The following KCNK5 variants were observed in gnomAD, a reference collection of about 807,000 sequenced individuals.
The protein encoded by KCNK5 is potassium channel subfamily K member 5.
KCNK5 carries 18 observed loss-of-function variants against 32.9 expected under a neutral mutation model. The observed-to-expected ratio is 0.55, with a 90% CI of 0.38 to 0.81. KCNK5 has a LOEUF of 0.81. Ranked by LOEUF, KCNK5 falls within the 30% of genes least tolerant of loss-of-function variation. The pLI is 0.00. For missense variants in KCNK5, 507 were observed against 651.0 expected, an observed-to-expected ratio of 0.78 and a Z score of 2.41; for synonymous variants, 276 against 275.3, an observed-to-expected ratio of 1.00 and a Z score of -0.03.
Position 39,194,782 on chromosome 6 carries a change from C to A in KCNK5, c.299-22G>T, listed in dbSNP as rs376883155. The A allele has an allele frequency of 1.1e-5, 18 of 1,612,280 alleles. No homozygotes were observed. Among genetic ancestry groups the A allele is most frequent in the Non-Finnish European group, 1.5e-5 (18 of 1,178,972 alleles). On this transcript the variant is annotated intron_variant, in intron 2 of 4. Coordinates refer to ENST00000359534, the MANE Select transcript of KCNK5 (RefSeq NM_003740.4). This position sits in a 1 kb window ranked among gnomAD's most constrained non-coding sequence, Gnocchi z 4.7. ...TATCCTGAGGAAGGAGAGAGTGAGG[C>A]CAAGAACAGGAGGGGTGGTCAAACC...
chr6:39,202,742 C>T (rs1490794888), intron 1 of KCNK5, among the ~76,000 whole-genome samples: 1 of 152,110 alleles, frequency 6.6e-6, no homozygotes, highest in East Asian at 1.9e-4. Flanking sequence ...TCAATCAATC[C>T]CATTGGCAGC....
At chr6:39,206,018 C>T (rs987173730) in intron 1 of KCNK5, among the ~76,000 whole-genome samples, 4 of 152,336 alleles carry the variant, frequency 2.6e-5, no homozygotes, top group South Asian at 2.1e-4. Flanking sequence ...TAATCTGAGA[C>T]CTAAGACCCT....
intron 1 of KCNK5, among the ~76,000 whole-genome samples, chr6:39,202,613 A>G (rs1771149153): frequency 6.6e-6 from 1 of 152,196 alleles, no homozygotes; most frequent in African/African-American, 2.4e-5. Flanking sequence ...AAACTCCACG[A>G]GGGCAGTAAA....
intron 1 of KCNK5, among the ~76,000 whole-genome samples, chr6:39,217,967 C>T (rs888438976): frequency 2.0e-5 from 3 of 151,814 alleles, no homozygotes; most frequent in Admixed American, 6.6e-5. Flanking sequence ...ATCACAGGAA[C>T]GGGTGTGTTG....
intron 1 of KCNK5, among the ~76,000 whole-genome samples, chr6:39,209,391 C>A (rs556141500): frequency 6.6e-6 from 1 of 152,192 alleles, no homozygotes; most frequent in African/African-American, 2.4e-5. Flanking sequence ...GTATGCATTG[C>A]CCCCGCCCAC....
At position 39,194,130 on chromosome 6, in the gene KCNK5, A is replaced by C; in HGVS notation, c.634+39T>G. ...TAGGTCTGTTGCACTGAAACCAAAG[A>C]AGCAGAAAAAGAGGTGGGAGGCAGA... On this transcript the variant is annotated intron_variant, in intron 4 of 4. Coordinates refer to ENST00000359534, the MANE Select transcript of KCNK5 (RefSeq NM_003740.4). The surrounding 1 kb of genome is among the most constrained non-coding windows in gnomAD (Gnocchi z 4.7). The C allele has an allele frequency of 6.2e-7, 1 of 1,612,580 alleles. No homozygotes were observed. Among genetic ancestry groups the C allele is most frequent in the Non-Finnish European group, 8.5e-7 (1 of 1,178,688 alleles).
At chr6:39,218,069 C>T (rs1279114461) in intron 1 of KCNK5, among the ~76,000 whole-genome samples, 5 of 140,304 alleles carry the variant, frequency 3.6e-5, no homozygotes, top group East Asian at 2.0e-4. Flanking sequence ...GACTTACAGG[C>T]CTTTTTTTTT....
At chr6:39,206,571 C>T (rs763448402) in intron 1 of KCNK5, among the ~76,000 whole-genome samples, 47 of 152,176 alleles carry the variant, frequency 3.1e-4, no homozygotes, top group Admixed American at 5.9e-4. Flanking sequence ...AGCTGCCCCT[C>T]GCGTGCTGGC....
At chr6:39,202,266 G>A (rs1041020690) in intron 1 of KCNK5, among the ~76,000 whole-genome samples, 12 of 152,090 alleles carry the variant, frequency 7.9e-5, no homozygotes, top group African/African-American at 2.7e-4. Flanking sequence ...TTCCAGCATC[G>A]TTCTGCAGTT....
chr6:39,190,880 C>A lies in KCNK5; in HGVS notation c.*10G>T. 1 of 1,459,010 alleles carries A rather than the reference C, an allele frequency of 6.9e-7. No individual in the cohort carries two copies. The highest frequency in any genetic ancestry group is 1.5e-5 in the South Asian group (1 of 66,738). The allele number at this position is 1,459,010 out of a possible 1,614,324, so 90.4% of individuals were successfully genotyped here. ...GGCCATCAAAGGTGGGGTGGGGAGC[C>A]GGCCCTGCCTCATGTGCCCTTGGGG... On this transcript the variant is annotated 3_prime_UTR_variant, in exon 5 of 5. Coordinates refer to ENST00000359534, the MANE Select transcript of KCNK5 (RefSeq NM_003740.4).
Position 39,191,007 on chromosome 6 carries a change from C to A in KCNK5, c.1383G>T (p.Met461Ile). ...QGAEAKAPLN[M>I]GEFPSSSEST... is the part of the protein sequence containing the mutation. ...ACTCGGAGGAGGAGGGGAACTCGCC[C>A]ATGTTCAGGGGCGCCTTGGCTTCAG... The change falls in exon 5 of 5, where the codon ATG becomes ATT. Residue 461 changes from methionine to isoleucine, a missense_variant. By Grantham distance (10) the Met-to-Ile change is conservative. Coordinates refer to ENST00000359534, the MANE Select transcript of KCNK5 (RefSeq NM_003740.4). This position sits in a 1 kb window ranked among gnomAD's most constrained non-coding sequence, Gnocchi z 5.8. The A allele has an allele frequency of 6.3e-7, 1 of 1,590,718 alleles. No homozygotes were observed. The highest frequency in any genetic ancestry group is 8.6e-7 in the Non-Finnish European group (1 of 1,169,316).
At chr6:39,201,022 G>T in intron 1 of KCNK5, among the ~76,000 whole-genome samples, 1 of 152,190 alleles carries the variant, frequency 6.6e-6, no homozygotes, top group Non-Finnish European at 1.5e-5. Context: ...CAGCTATCTG[G>T]CACCCATAGA....
Position 39,190,804 on chromosome 6 carries a change from G to T in KCNK5, c.*86C>A. On this transcript the variant is annotated 3_prime_UTR_variant, in exon 5 of 5. Coordinates refer to ENST00000359534, the MANE Select transcript of KCNK5 (RefSeq NM_003740.4). ...CAGTTCCGAGGCTGCCCCCCCACCAGGGGCCAGGCGTCCCGGTCATCTCGG... is the reference window on the plus strand; with the variant it reads ...CAGTTCCGAGGCTGCCCCCCCACCATGGGCCAGGCGTCCCGGTCATCTCGG... 1 of 1,333,122 alleles carries T rather than the reference G, an allele frequency of 7.5e-7. No homozygotes were observed. 82.6% of individuals were successfully genotyped at this position (1,333,122 alleles called of 1,614,324 possible). A position where few individuals can be genotyped will look rare whatever the true frequency, so the allele number is the denominator to read the frequency against.
chr6:39,210,585 A>G (rs1245560800), intron 1 of KCNK5, among the ~76,000 whole-genome samples: 2 of 152,352 alleles, frequency 1.3e-5, no homozygotes, highest in South Asian at 2.1e-4. Flanking sequence ...CTGTTGCTCA[A>G]TGAAGCTCAA....
rs1180871542 is a variant in KCNK5 at position 39,191,555 on chromosome 6, C to T, written c.835G>A (p.Val279Met). 1.2e-6 allele frequency: 2 copies of T among 1,613,894 alleles called. No individual in the cohort carries two copies. Among genetic ancestry groups the T allele is most frequent in the African/African-American group, 1.3e-5 (1 of 74,920 alleles). The change falls in exon 5 of 5, where the codon GTG becomes ATG. Residue 279 changes from valine to methionine, a missense_variant. Coordinates refer to ENST00000359534, the MANE Select transcript of KCNK5 (RefSeq NM_003740.4). The surrounding 1 kb of genome is among the most constrained non-coding windows in gnomAD (Gnocchi z 5.8). ...SSPHSRKALQ[V>M]KGSTASKDVN... is the part of the protein sequence containing the mutation. ...TCCTTGGAGGCTGTGCTCCCCTTCA[C>T]CTGCAGGGCCTTCCGGGAGTGTGGG...
rs572055874 is a variant in KCNK5 at position 39,211,889 on chromosome 6, A to G, written c.187-15902T>C. On this transcript the variant is annotated intron_variant, in intron 1 of 4. Coordinates refer to ENST00000359534, the MANE Select transcript of KCNK5 (RefSeq NM_003740.4). The stretch of plus-strand genomic sequence containing the variant: ...TGAGGCAAGAGAATCTCTTGAACCC[A>G]GGAGACGGAGGTTGCAGTGAGCTGA... 2.3e-4 allele frequency among the ~76,000 whole-genome samples: 35 copies of G among 152,214 alleles called. No individual in the cohort carries two copies. In the South Asian group the frequency reaches 7.3e-3, roughly 32 times the overall value.
At chr6:39,201,344 C>G (rs1254555645) in intron 1 of KCNK5, among the ~76,000 whole-genome samples, 2 of 151,896 alleles carry the variant, frequency 1.3e-5, no homozygotes, top group African/African-American at 4.8e-5. Flanking sequence ...CTCAGCCTCC[C>G]GGGTTTAAGC....
At position 39,200,190 on chromosome 6, in the gene KCNK5, G is replaced by A. The variant is rs113246834; in HGVS notation, c.187-4203C>T. ...GGGAGGAGGCGGCCCCTGTTCACTG[G>A]CTGGATTCTTTAACTTGGCTCCCAA... On this transcript the variant is annotated intron_variant, in intron 1 of 4. Coordinates refer to ENST00000359534, the MANE Select transcript of KCNK5 (RefSeq NM_003740.4). Among the ~76,000 whole-genome samples the A allele has an allele frequency of 5.3e-5, 8 of 152,296 alleles. 1 individual carries two copies. Among genetic ancestry groups the A allele is most frequent in the African/African-American group, 1.9e-4 (8 of 41,560 alleles).
intron 1 of KCNK5, among the ~76,000 whole-genome samples, chr6:39,201,592 C>T (rs190524726): frequency 4.7e-4 from 72 of 152,188 alleles, no homozygotes; most frequent in African/African-American, 1.5e-3. Flanking sequence ...CTTGGCCCTG[C>T]GGAGGGATGG....
Sources: gnomAD v4.1 joint callset for allele counts (sites outside exome capture counted in the v4.1 genomes callset) on GRCh38, gnomAD v4.1.1 for gene constraint, Gnocchi (gnomAD v3.1) non-coding constraint, MANE v1.5 for transcripts, NCBI Gene and HGNC (gene_info 2026-07-23, HGNC 2026-07-21) for gene names.